IFT88: variants seen among roughly 807,000 people sequenced by gnomAD.
The protein encoded by IFT88 is intraflagellar transport 88.
In IFT88, 74 loss-of-function variants were observed where a neutral mutation model predicts 119.5. The observed-to-expected ratio is 0.62, with a 90% CI of 0.51 to 0.75. The LOEUF (loss-of-function observed/expected upper bound fraction) is 0.75. IFT88 is among the 30% of genes least tolerant of loss of function. The pLI is 0.00. For synonymous variants in IFT88, 279 were observed against 316.7 expected (o/e 0.88, Z 1.26); for missense variants, 961 against 977.7 (o/e 0.98, Z 0.23).
chr13:20,685,048 A>C (rs2057747561), intron 24 of IFT88, among the ~76,000 whole-genome samples: 2 of 152,262 alleles, frequency 1.3e-5, no homozygotes, highest in African/African-American at 2.4e-5. Context: ...AATCTGACCC[A>C]CATATTATTG....
chr13:20,649,725 C>G (rs1258077548), intron 20 of IFT88, among the ~76,000 whole-genome samples: 2 of 151,860 alleles, frequency 1.3e-5, no homozygotes, highest in Non-Finnish European at 2.9e-5. Flanking sequence ...CTTTGAAAAG[C>G]TCAACAAAAT....
At chr13:20,665,047 C>A (rs2054455152) in intron 23 of IFT88, among the ~76,000 whole-genome samples, 1 of 151,252 alleles carries the variant, frequency 6.6e-6, no homozygotes, top group South Asian at 2.1e-4. Context: ...CCACTGCACT[C>A]CAGCCTGGGC....
intron 10 of IFT88, 23 bp downstream of exon 10, chr13:20,598,776 T>C (rs771869391): frequency 2.2e-6 from 3 of 1,353,598 alleles, no homozygotes; most frequent in African/African-American, 2.9e-5. Flanking sequence ...AATCAGTTTT[T>C]CCAATAGATG....
chr13:20,660,011 G>GA (rs1296140416), intron 22 of IFT88, among the ~76,000 whole-genome samples: 1 of 152,180 alleles, frequency 6.6e-6, no homozygotes, highest in African/African-American at 2.4e-5. Context: ...TTCTGTTCCA[G>GA]ACGTTGTTCT....
At chr13:20,594,884 A>T (rs1324734615) in intron 7 of IFT88, among the ~76,000 whole-genome samples, 2 of 152,232 alleles carry the variant, frequency 1.3e-5, no homozygotes, top group Non-Finnish European at 2.9e-5. Context: ...ATACTTTTAT[A>T]AAATCCATTT....
intron 24 of IFT88, among the ~76,000 whole-genome samples, chr13:20,674,726 T>TATA (rs2056426946): frequency 6.5e-5 from 4 of 61,998 alleles, no homozygotes; most frequent in South Asian, 6.6e-4. Context: ...ATATATATAT[T>TATA]TTTTTTTTTT....
At chr13:20,662,039 T>A (rs1470966025) in intron 22 of IFT88, among the ~76,000 whole-genome samples, 2 of 152,150 alleles carry the variant, frequency 1.3e-5, no homozygotes, top group Non-Finnish European at 2.9e-5. Context: ...TGCAATGATG[T>A]TGTTGGTGGA....
At chr13:20,582,618 C>T (rs2038916332) in intron 2 of IFT88, among the ~76,000 whole-genome samples, 1 of 152,010 alleles carries the variant, frequency 6.6e-6, no homozygotes, top group Non-Finnish European at 1.5e-5. Flanking sequence ...ATGTAAATCT[C>T]CAATTCCAAG....
chr13:20,686,161 T>C (rs1329683454), intron 24 of IFT88, among the ~76,000 whole-genome samples: 1 of 152,202 alleles, frequency 6.6e-6, no homozygotes, highest in Non-Finnish European at 1.5e-5. Context: ...GGGAGCTCCA[T>C]AGACTTGGAT....
intron 23 of IFT88, among the ~76,000 whole-genome samples, chr13:20,670,572 A>G (rs530084229): frequency 8.0e-6 from 1 of 124,574 alleles, no homozygotes; most frequent in Non-Finnish European, 1.6e-5. Flanking sequence ...AGGTCCAACC[A>G]TTGTATATGA....
At chr13:20,584,793 A>C (rs73431329) in intron 3 of IFT88, among the ~76,000 whole-genome samples, 408 of 152,240 alleles carry the variant, frequency 2.7e-3, no homozygotes, top group African/African-American at 8.9e-3. Flanking sequence ...CTCCCTACCT[A>C]TCTAATACTA....
At position 20,690,821 on chromosome 13, in the gene IFT88, T is replaced by C. The variant is rs1400687445; in HGVS notation, c.2353+6T>C. 6.3e-7 allele frequency: 1 copy of C among 1,587,240 alleles called. No individual in the cohort carries two copies. Among genetic ancestry groups the C allele is most frequent in the Admixed American group, 1.7e-5 (1 of 59,986 alleles). On this transcript the variant is annotated splice_donor_region_variant and intron_variant, in intron 25 of 25. Transcript: ENST00000351808. ...TAGCAGTAACAAAGAAATAGGCAAGTACTCTCCACCCAGTTCCTCCAGGCA... is the reference window on the plus strand; with the variant it reads ...TAGCAGTAACAAAGAAATAGGCAAGCACTCTCCACCCAGTTCCTCCAGGCA...
At chr13:20,572,280 A>T (rs2036518296) in intron 1 of IFT88, among the ~76,000 whole-genome samples, 1 of 151,852 alleles carries the variant, frequency 6.6e-6, no homozygotes, top group Admixed American at 6.6e-5. Context: ...GTGCAGTGGC[A>T]TGATCTCAGC....
chr13:20,568,962 C>T lies in IFT88; in HGVS notation c.-7+1706C>T, dbSNP rs548351193. Among the ~76,000 whole-genome samples, 520 of 152,140 alleles carry T rather than the reference C, an allele frequency of 3.4e-3. 4 individuals are homozygous for T. Among genetic ancestry groups the T allele is most frequent in the African/African-American group, 0.012 (497 of 41,528 alleles). On this transcript the variant is annotated intron_variant, in intron 1 of 25. Coordinates refer to ENST00000351808, the MANE Select transcript of IFT88 (RefSeq NM_006531.5). ...GTCTCGATCTCCTGACCTCGTGATC[C>T]GCCCGCCTCGGCCTCCCAGAGTGTT...
intron 19 of IFT88, 63 bp downstream of exon 19, chr13:20,643,668 C>A: frequency 1.8e-6 from 2 of 1,138,880 alleles, no homozygotes; most frequent in Non-Finnish European, 2.5e-6. Flanking sequence ...ATAAAGAAGG[C>A]AGCAAGGCTT....
Position 20,623,514 on chromosome 13 carries a change from G to T in IFT88, c.1200-2236G>T, listed in dbSNP as rs147854673. Among the ~76,000 whole-genome samples, 51 of 152,102 alleles carry T rather than the reference G, an allele frequency of 3.4e-4. 1 individual carries two copies. The highest frequency in any genetic ancestry group is 5.9e-4 in the Non-Finnish European group (40 of 67,992). ...TTTTGAGATGGAGTTTTGCTCTGTC[G>T]CCCAGGCTGGAGTGAAGTGTCGTGA... On this transcript the variant is annotated intron_variant, in intron 14 of 25. Coordinates refer to ENST00000351808, the MANE Select transcript of IFT88 (RefSeq NM_006531.5).
At chr13:20,643,003 T>A in intron 18 of IFT88, 2 of 133,456 alleles carry the variant, frequency 1.5e-5, no homozygotes, top group Admixed American at 7.8e-5. Context: ...ACTTAGTAGG[T>A]ACTAAAAGGA....
At chr13:20,607,508 AT>A in intron 13 of IFT88, 1 of 690,226 alleles carries the variant, frequency 1.4e-6, no homozygotes, top group East Asian at 2.6e-5. Flanking sequence ...GTCTTTTGAC[AT>A]GTGGGGAGGC....
chr13:20,688,037 C>T (rs892324991), intron 24 of IFT88, among the ~76,000 whole-genome samples: 4 of 152,112 alleles, frequency 2.6e-5, no homozygotes, highest in African/African-American at 7.2e-5. Context: ...TAGGCCAAGT[C>T]GGAAAGAGGC....
Sources: allele counts gnomAD v4.1 joint callset (sites outside exome capture counted in the v4.1 genomes callset), GRCh38; gene constraint gnomAD v4.1.1; transcripts MANE v1.5; gene names NCBI Gene and HGNC (gene_info 2026-07-23, HGNC 2026-07-21).